SUPT6H: variants seen among roughly 807,000 people sequenced by gnomAD.
SUPT6H encodes the protein SPT6 homolog, histone chaperone and transcription elongation factor, also known as transcription elongation factor SPT6.
SUPT6H carries 11 observed loss-of-function variants against 222.3 expected under a neutral mutation model. The observed-to-expected ratio is 0.05, with a 90% confidence interval of 0.03 to 0.08. The LOEUF is 0.08. SUPT6H is among the 10% of genes least tolerant of loss of function. The probability of loss-of-function intolerance (pLI) is 1.00; values close to 1 mark genes in which losing one functional copy is unlikely to be tolerated. For missense variants in SUPT6H, 1,422 were observed against 2,216.0 expected, an observed-to-expected ratio of 0.64 and a Z score of 7.19; for synonymous variants, 762 against 801.2, an observed-to-expected ratio of 0.95 and a Z score of 0.83.
chr17:28,691,438 A>C (rs2031637475), intron 27 of SUPT6H: 1 of 190,378 alleles, frequency 5.3e-6, no homozygotes, highest in Non-Finnish European at 1.1e-5. Context: ...AGGCAGGAGA[A>C]TGACTTGAAC....
intron 9 of SUPT6H, 51 bp downstream of exon 9, chr17:28,678,243 T>G: frequency 1.3e-6 from 2 of 1,511,482 alleles, no homozygotes; most frequent in Non-Finnish European, 1.8e-6. Context: ...AGTTAGGGGA[T>G]GAGGGAAAAG....
At chr17:28,697,208 G>A (rs188771956) in intron 30 of SUPT6H, 126 bp downstream of exon 30, 23 of 743,894 alleles carry the variant, frequency 3.1e-5, no homozygotes, top group East Asian at 5.4e-5. Flanking sequence ...GCAACAAAAC[G>A]GGAGGTGGTT....
chr17:28,681,771 C>T, intron 12 of SUPT6H, 111 bp from the exon 13 acceptor site: 1 of 873,140 alleles, frequency 1.1e-6, no homozygotes. Context: ...CCCATGGCAT[C>T]TTGAAGGAGG....
Position 28,687,218 on chromosome 17 carries a change from C to A in SUPT6H, c.2831C>A (p.Pro944His). Residue 944 changes from proline to histidine, a missense_variant, in exon 22 of 37, where the codon CCC becomes CAC. By Grantham distance (77) the Pro-to-His change is moderately conservative. Around this residue, in one of 13 missense-constraint regions of SUPT6H, gnomAD observed 294 missense variants for 382.1 expected, o/e 0.77. Transcript: ENST00000314616. ...DEDILCLKFHPLQEHVVKEEL... is the reference protein window; with the variant it reads ...DEDILCLKFHHLQEHVVKEEL... ...GACATCCTGTGTCTCAAGTTTCACC[C>A]CTTGCAGGTGAGTAGGATTTGACAG... 1 of 1,614,164 alleles carries A rather than the reference C, an allele frequency of 6.2e-7. No homozygotes were observed. Among genetic ancestry groups the A allele is most frequent in the East Asian group, 2.2e-5 (1 of 44,884 alleles).
At chr17:28,672,545 C>T (rs1377277260) in intron 1 of SUPT6H, 3 of 152,144 alleles carry the variant, frequency 2.0e-5, no homozygotes, top group Non-Finnish European at 2.9e-5. Flanking sequence ...TCCAGAGTAA[C>T]TGGGATTACA....
At chr17:28,677,644 A>G (rs1360523547) in intron 7 of SUPT6H, 71 bp from the exon 8 acceptor site, 1 of 1,122,518 alleles carries the variant, frequency 8.9e-7, no homozygotes, top group East Asian at 2.4e-5. Flanking sequence ...GTTTCTGTCC[A>G]AAAAGGTATG....
At chr17:28,678,260 A>G (rs1597696982) in intron 9 of SUPT6H, 68 bp downstream of exon 9, 4 of 1,404,686 alleles carry the variant, frequency 2.8e-6, no homozygotes, top group African/African-American at 1.4e-5. Flanking sequence ...AAAGATAATT[A>G]CCTAAATGAG....
chr17:28,673,397 C>T lies in SUPT6H; in HGVS notation c.-5C>T, dbSNP rs1317026518. On this transcript the variant is annotated 5_prime_UTR_variant, in exon 2 of 37. Transcript: ENST00000314616. ...TATCTTCAGGCAGAGTGAGAAGCTG[C>T]AGCAATGTCTGATTTTGTGGAAAGC... The T allele has an allele frequency of 6.2e-6, 10 of 1,610,054 alleles. No homozygotes were observed. Among genetic ancestry groups the T allele is most frequent in the South Asian group, 2.2e-5 (2 of 90,958 alleles).
At position 28,681,301 on chromosome 17, in the gene SUPT6H, C is replaced by T; in HGVS notation, c.1395C>T (p.Asn465=). The change falls in exon 12 of 37, where the codon AAC becomes AAT. Residue 465 remains asparagine, a synonymous_variant. Coordinates refer to ENST00000314616, the MANE Select transcript of SUPT6H (RefSeq NM_003170.5). ...TGGATGAGCTGAAAGATGTCTACAA[C>T]CATTTTCTTCTTTATTATGGCCGAG... is the stretch of plus-strand genomic sequence containing the variant. The part of the protein sequence containing the change: ...QSMDELKDVY[N]HFLLYYGRDI... 6.2e-7 allele frequency: 1 copy of T among 1,614,014 alleles called. No homozygotes were observed. The highest frequency in any genetic ancestry group is 8.5e-7 in the Non-Finnish European group (1 of 1,179,998).
chr17:28,693,728 A>C lies in SUPT6H; in HGVS notation c.3666A>C (p.Pro1222=), dbSNP rs751229533. 7.4e-6 allele frequency: 12 copies of C among 1,614,086 alleles called. No homozygotes were observed. The highest frequency in any genetic ancestry group is 1.7e-5 in the Admixed American group (1 of 59,998). The change falls in exon 28 of 37, where the codon CCA becomes CCC. Residue 1222 remains proline, a synonymous_variant. Coordinates refer to ENST00000314616, the MANE Select transcript of SUPT6H (RefSeq NM_003170.5). The part of the protein sequence containing the change: ...VWNHFDSGSC[P]GQAIGVKTRL... ...ACCACTTTGACAGCGGTTCGTGCCC[A>C]GGCCAGGCCATCGGTGTCAAAACAC...
chr17:28,684,255 CG>C (rs907034875), intron 17 of SUPT6H, among the ~76,000 whole-genome samples: 1 of 152,090 alleles, frequency 6.6e-6, no homozygotes, highest in Admixed American at 6.6e-5. Flanking sequence ...TGGAGAAACA[CG>C]GGGGGCAGGT....
At chr17:28,690,801 G>A in intron 26 of SUPT6H, 120 bp from the exon 27 acceptor site, 2 of 1,171,712 alleles carry the variant, frequency 1.7e-6, no homozygotes, top group Non-Finnish European at 2.4e-6. Context: ...TAAAAATCGG[G>A]AAGAGTTCCC....
Position 28,673,447 on chromosome 17 carries a change from T to A in SUPT6H, c.46T>A (p.Tyr16Asn). 1 of 1,614,072 alleles carries A rather than the reference T, an allele frequency of 6.2e-7. No homozygotes were observed. The highest frequency in any genetic ancestry group is 8.5e-7 in the Non-Finnish European group (1 of 1,180,014). Residue 16 changes from tyrosine to asparagine, a missense_variant, in exon 2 of 37, where the codon TAC becomes AAC. Coordinates refer to ENST00000314616, the MANE Select transcript of SUPT6H (RefSeq NM_003170.5). ...ESEAEESEEEYNDEGEVVPRV... is the reference protein window; with the variant it reads ...ESEAEESEEENNDEGEVVPRV... ...CGAGGCTGAGGAGTCAGAGGAAGAA[T>A]ACAATGATGAAGGCGAGGTGGTACC... is the stretch of plus-strand genomic sequence containing the variant.
chr17:28,682,900 C>T, intron 14 of SUPT6H, 42 bp from the exon 15 acceptor site: 4 of 1,613,486 alleles, frequency 2.5e-6, no homozygotes, highest in Non-Finnish European at 3.4e-6. Flanking sequence ...GGCCTGAGGA[C>T]CACAACACCC....
chr17:28,701,451 T>C lies in SUPT6H; in HGVS notation c.5007T>C (p.His1669=), dbSNP rs747226764. ...QRQQQPKSNS[H]AAIDWGKMAE... The stretch of plus-strand genomic sequence containing the variant: ...CTTCCCCTCCCAGGTCCAACAGCCA[T>C]GCAGCCATCGACTGGGGAAAAATGG... The change falls in exon 37 of 37, where the codon CAT becomes CAC. Residue 1669 remains histidine, a synonymous_variant. Coordinates refer to ENST00000314616, the MANE Select transcript of SUPT6H (RefSeq NM_003170.5). 1 of 1,614,058 alleles carries C rather than the reference T, an allele frequency of 6.2e-7. No individual in the cohort carries two copies. Among genetic ancestry groups the C allele is most frequent in the South Asian group, 1.1e-5 (1 of 91,086 alleles).
rs146689076 is a variant in SUPT6H, at chr17:28,686,376, A to G, written c.2525A>G (p.Asn842Ser). Residue 842 changes from asparagine (N) to serine (S), a missense_variant, in exon 20 of 37, where the codon AAT (asparagine) becomes AGT (serine). By Grantham distance (46) the Asn-to-Ser change is conservative. Around this residue, in one of 13 missense-constraint regions of SUPT6H, gnomAD observed 294 missense variants for 382.1 expected, o/e 0.77. Transcript: ENST00000314616. ...DIETLKKFLLNKKPHVVTVAG... is the reference protein window; with the variant it reads ...DIETLKKFLLSKKPHVVTVAG... ...GAAACGCTAAAGAAATTTCTCCTGA[A>G]TAAGAAGCCTCATGTAGTGACAGTT... 1.2e-5 allele frequency: 20 copies of G among 1,614,134 alleles called. No individual in the cohort carries two copies. The highest frequency in any genetic ancestry group is 1.6e-4 in the Middle Eastern group (1 of 6,084).
rs1165166940 is a variant in SUPT6H, at chr17:28,676,381, C to T, written c.848C>T (p.Thr283Ile). Reference protein sequence around the residue: ...EPSELESSHLTDQDNEIRATD... With the variant: ...EPSELESSHLIDQDNEIRATD... Reference sequence around the variant, plus strand: ...AGTGAGCTAGAAAGCAGCCACCTCACAGATCAGGACAATGAAATCCGAGCC... The same window carrying T: ...AGTGAGCTAGAAAGCAGCCACCTCATAGATCAGGACAATGAAATCCGAGCC... The change falls in exon 7 of 37, where the codon ACA becomes ATA. Residue 283 changes from threonine (T) to isoleucine (I), a missense_variant. Thr to Ile is a moderately conservative substitution (Grantham distance 89, BLOSUM62 -1). Transcript: ENST00000314616. The T allele has an allele frequency of 1.2e-6, 2 of 1,613,890 alleles. No homozygotes were observed. Among genetic ancestry groups the T allele is most frequent in the Non-Finnish European group, 1.7e-6 (2 of 1,180,022 alleles).
chr17:28,699,451 C>A (rs937568273), intron 32 of SUPT6H, among the ~76,000 whole-genome samples: 1 of 152,176 alleles, frequency 6.6e-6, no homozygotes, highest in African/African-American at 2.4e-5. Context: ...CTCTGGGAGG[C>A]CCCTTCCAAC....
intron 27 of SUPT6H, among the ~76,000 whole-genome samples, chr17:28,692,374 TGTAATCCCA>T (rs1292830407): frequency 1.4e-5 from 2 of 145,554 alleles, no homozygotes; most frequent in East Asian, 4.0e-4. Flanking sequence ...GGCTCATGCC[TGTAATCCCA>T]GTACTTTGGG....
Sources: allele counts gnomAD v4.1 joint callset (sites outside exome capture counted in the v4.1 genomes callset), GRCh38; gene constraint gnomAD v4.1.1; regional missense constraint gnomAD v4.1.1; transcripts MANE v1.5; gene names NCBI Gene and HGNC (gene_info 2026-07-23, HGNC 2026-07-21).